Variants in DGKD observed in about 807,000 individuals in gnomAD.
DGKD encodes the protein DAG kinase delta.
Under a neutral mutation model 154.4 loss-of-function variants are expected in DGKD, and 68 were observed. That is an observed-to-expected ratio of 0.44 (90% CI 0.36 to 0.54). The LOEUF (loss-of-function observed/expected upper bound fraction) is 0.54, where lower values mean the gene tolerates loss of function less well. Among genes scored for constraint, DGKD ranks in the 20% least tolerant of loss-of-function variants. DGKD has a pLI of 0.00. For missense variants in DGKD, 1,343 were observed against 1,593.6 expected (o/e 0.84, Z 2.68); for synonymous variants, 693 against 638.0 (o/e 1.09, Z -1.30).
intron 4 of DGKD, 62 bp from the exon 5 acceptor site, chr2:233,434,707 T>A: frequency 6.3e-7 from 1 of 1,577,816 alleles, no homozygotes; most frequent in Non-Finnish European, 8.6e-7. Context: ...TTGTCCAAGT[T>A]ACTGCATTTA....
In DGKD at chr2:233,440,687, C is replaced by T. The variant is rs1005512819; in HGVS notation, c.1086-1200C>T. Among the ~76,000 whole-genome samples the T allele has an allele frequency of 5.7e-4, 87 of 152,180 alleles. No individual in the cohort carries two copies. Among genetic ancestry groups the T allele is most frequent in the African/African-American group, 2.0e-3 (84 of 41,432 alleles). On this transcript the variant is annotated intron_variant, in intron 9 of 29. Coordinates refer to ENST00000264057, the MANE Select transcript of DGKD (RefSeq NM_152879.3). The surrounding 1 kb of genome is among the most constrained non-coding windows in gnomAD (Gnocchi z 4.9). ...GCAGCAGCAGAAAGGTGGCACCTGC[C>T]GTCAGGGAGGGCTGCGGGTGCTGGC...
chr2:233,365,559 G>C (rs1413787705), intron 1 of DGKD, among the ~76,000 whole-genome samples: 1 of 152,094 alleles, frequency 6.6e-6, no homozygotes, highest in Admixed American at 6.6e-5. Flanking sequence ...TACTAAACTT[G>C]ACCTAATGGA....
At chr2:233,403,674 C>G (rs2061612028) in intron 3 of DGKD, among the ~76,000 whole-genome samples, 1 of 150,482 alleles carries the variant, frequency 6.6e-6, no homozygotes, top group Non-Finnish European at 1.5e-5. Flanking sequence ...GAGTCTCGCT[C>G]TGTTGCCCAG....
rs1229887463 is a variant in DGKD at position 233,436,327 on chromosome 2, C to T, written c.705C>T (p.Pro235=). 1.9e-5 allele frequency: 30 copies of T among 1,614,194 alleles called. No homozygotes were observed. The highest frequency in any genetic ancestry group is 2.5e-5 in the Non-Finnish European group (29 of 1,180,040). ...CTGTTTGGTTGCAGATTGCAATGCC[C>T]CACCAGTGGTTGGAAGGAAACCTAC... The part of the protein sequence containing the change: ...IIEDADGIAM[P]HQWLEGNLPV... Residue 235 remains proline (P), a synonymous_variant, in exon 7 of 30, where the codon CCC becomes CCT. Transcript: ENST00000264057.
intron 11 of DGKD, among the ~76,000 whole-genome samples, chr2:233,446,409 G>A (rs2063073262): frequency 6.6e-6 from 1 of 152,246 alleles, no homozygotes; most frequent in Non-Finnish European, 1.5e-5. Context: ...GGGCCAGCTG[G>A]CTGAGCCATT....
chr2:233,397,540 G>C (rs762132518), intron 3 of DGKD, among the ~76,000 whole-genome samples: 9 of 137,218 alleles, frequency 6.6e-5, no homozygotes, highest in Middle Eastern at 3.5e-3. Context: ...GTGGCTGGGG[G>C]GGGGGGGCAG....
rs1033331385 is a variant in DGKD, at chr2:233,450,275, T to C, written c.2038+144T>C. On this transcript the variant is annotated intron_variant, in intron 16 of 29. Coordinates refer to ENST00000264057, the MANE Select transcript of DGKD (RefSeq NM_152879.3). ...ACATAAAAATTGAGCGCCCAAGGCC[T>C]GTTTCTGTGCATCTCCTGTGCGCGC... 1.3e-5 allele frequency: 14 copies of C among 1,093,496 alleles called. No individual in the cohort carries two copies. In the African/African-American group the frequency reaches 2.2e-4, roughly 18 times the overall value. The allele number at this position is 1,093,496 out of a possible 1,614,324, so 67.7% of individuals were successfully genotyped here.
chr2:233,436,634 G>A (rs938605480), intron 7 of DGKD, among the ~76,000 whole-genome samples, 193 bp downstream of exon 7: 12 of 152,234 alleles, frequency 7.9e-5, no homozygotes, highest in African/African-American at 2.9e-4. Flanking sequence ...TCTTCCTTTT[G>A]CATTTATTCC....
intron 19 of DGKD, among the ~76,000 whole-genome samples, chr2:233,456,323 C>T (rs1051266110): frequency 2.6e-5 from 4 of 152,132 alleles, no homozygotes; most frequent in East Asian, 1.9e-4. Flanking sequence ...CTGCAGAGAG[C>T]GTGTGGCCAC....
At chr2:233,388,961 G>A (rs1703392455) in intron 2 of DGKD, 1 of 152,080 alleles carries the variant, frequency 6.6e-6, no homozygotes, top group East Asian at 1.9e-4. Flanking sequence ...AGGTCAAGCT[G>A]GTCTCGAACT....
Position 233,449,117 on chromosome 2 carries a change from A to T in DGKD, c.1629A>T (p.Lys543Asn). Residue 543 changes from lysine (K) to asparagine (N), a missense_variant, in exon 15 of 30, where the codon AAA (lysine) becomes AAT (asparagine). Lys to Asn is a moderately conservative substitution (Grantham distance 94). Around this residue, in one of 6 missense-constraint regions of DGKD, gnomAD observed 409 missense variants for 446.0 expected, o/e 0.92. Transcript: ENST00000264057. This position sits in a 1 kb window ranked among gnomAD's most constrained non-coding sequence, Gnocchi z 5.3. ...EVMAKKCSVLKEKLDSLLKTL... is the reference protein window; with the variant it reads ...EVMAKKCSVLNEKLDSLLKTL... ...TCCTTGTTCAGTGCTCTGTCCTGAA[A>T]GAGAAGCTGGATTCCCTTCTCAAGA... The T allele has an allele frequency of 1.9e-6, 3 of 1,597,040 alleles. No individual in the cohort carries two copies. The highest frequency in any genetic ancestry group is 2.6e-6 in the Non-Finnish European group (3 of 1,166,484).
chr2:233,450,192 C>A, intron 16 of DGKD, 61 bp downstream of exon 16: 1 of 1,508,562 alleles, frequency 6.6e-7, no homozygotes, highest in Admixed American at 2.2e-5. Context: ...TGAGACGTAG[C>A]GGGCTTGCCA....
At chr2:233,453,731 T>G (rs1559170215) in intron 18 of DGKD, among the ~76,000 whole-genome samples, 1 of 152,086 alleles carries the variant, frequency 6.6e-6, no homozygotes, top group East Asian at 1.9e-4. Flanking sequence ...GAAACCCCAG[T>G]GTGACCCTGG....
chr2:233,412,366 TA>T (rs1438926462), intron 3 of DGKD, among the ~76,000 whole-genome samples: 3 of 152,246 alleles, frequency 2.0e-5, no homozygotes, highest in Admixed American at 1.3e-4. Context: ...CAATGTAATT[TA>T]TGTTTTTATT....
intron 3 of DGKD, among the ~76,000 whole-genome samples, chr2:233,425,133 A>G (rs1009776708): frequency 1.3e-5 from 2 of 152,082 alleles, no homozygotes; most frequent in Admixed American, 6.5e-5. Context: ...TTCAAATAGA[A>G]TTTTAAAGCT....
intron 24 of DGKD, among the ~76,000 whole-genome samples, chr2:233,460,904 A>AC (rs1273071060): frequency 6.6e-6 from 1 of 151,528 alleles, no homozygotes; most frequent in Non-Finnish European, 1.5e-5. Flanking sequence ...AAACAAACAA[A>AC]ACAAAACAAA....
chr2:233,362,923 T>C (rs1179074759), intron 1 of DGKD, among the ~76,000 whole-genome samples: 1 of 152,316 alleles, frequency 6.6e-6, no homozygotes, highest in Non-Finnish European at 1.5e-5. Context: ...CCTATGTGTT[T>C]GTGGTGATGC....
chr2:233,466,735 A>G (rs949273528), intron 27 of DGKD, among the ~76,000 whole-genome samples: 3 of 152,210 alleles, frequency 2.0e-5, no homozygotes, highest in Non-Finnish European at 4.4e-5. Context: ...GCAATCCAAC[A>G]CTAGAAGATT....
chr2:233,394,377 G>A (rs556432572), intron 3 of DGKD, among the ~76,000 whole-genome samples: 1 of 152,060 alleles, frequency 6.6e-6, no homozygotes, highest in East Asian at 1.9e-4. Flanking sequence ...CAGTTAGCTG[G>A]GACTACAGGT....
Sources: allele counts gnomAD v4.1 joint callset (sites outside exome capture counted in the v4.1 genomes callset), GRCh38; gene constraint gnomAD v4.1.1; regional missense constraint gnomAD v4.1.1; non-coding constraint Gnocchi (gnomAD v3.1); transcripts MANE v1.5; gene names NCBI Gene and HGNC (gene_info 2026-07-23, HGNC 2026-07-21).